The following CERK variants were observed in gnomAD, a reference collection of about 807,000 sequenced individuals.
CERK encodes ceramide kinase.
A neutral mutation model predicts 63.4 loss-of-function variants in CERK; 39 were observed. The observed-to-expected ratio is 0.61, with a 90% CI of 0.48 to 0.80. The LOEUF is 0.80. Among genes scored for constraint, CERK ranks in the 30% least tolerant of loss-of-function variants. The pLI, the probability that CERK is intolerant of heterozygous loss-of-function variation, is 0.00. For synonymous variants in CERK, 302 were observed against 280.0 expected (o/e 1.08, Z -0.78); for missense variants, 670 against 714.1 (o/e 0.94, Z 0.70).
intron 5 of CERK, 147 bp downstream of exon 5, chr22:46,710,939 T>C: frequency 1.6e-6 from 1 of 638,894 alleles, no homozygotes; most frequent in Non-Finnish European, 2.8e-6. Flanking sequence ...CTTTCTTGCC[T>C]TCCTGTAAGA....
chr22:46,705,487 C>T (rs948060097), intron 6 of CERK, among the ~76,000 whole-genome samples: 3 of 152,028 alleles, frequency 2.0e-5, no homozygotes, highest in Admixed American at 6.6e-5. Flanking sequence ...CCCTGGCCAA[C>T]GTAGCAAAAC....
chr22:46,708,010 T>C, intron 5 of CERK, 22 bp from the exon 6 acceptor site: 1 of 1,584,422 alleles, frequency 6.3e-7, no homozygotes, highest in African/African-American at 1.3e-5. Context: ...ACACAGCCGG[T>C]CAGGGCTCCT....
rs135676 is a variant in CERK, at chr22:46,695,424, C to G, written c.944-109G>C. ...TCGCTGAGCGCGCATCTGCCTAAACCGTCTGCAGGAGGGAGAGGCCGGGCC... is the reference window on the plus strand; with the variant it reads ...TCGCTGAGCGCGCATCTGCCTAAACGGTCTGCAGGAGGGAGAGGCCGGGCC... On this transcript the variant is annotated intron_variant, in intron 8 of 12. Coordinates refer to ENST00000216264, the MANE Select transcript of CERK (RefSeq NM_022766.6). 12 of 747,956 alleles carry G rather than the reference C, an allele frequency of 1.6e-5. No individual in the cohort carries two copies. The East Asian group carries it at 3.0e-4, about 19-fold the overall frequency. 46.3% of individuals were successfully genotyped at this position (747,956 alleles called of 1,614,324 possible).
At chr22:46,695,410 G>T in intron 8 of CERK, 95 bp from the exon 9 acceptor site, 2 of 807,062 alleles carry the variant, frequency 2.5e-6, no homozygotes, top group Non-Finnish European at 4.3e-6. Flanking sequence ...CGCTGAGCGC[G>T]CATCTGCCTA....
At chr22:46,695,853 C>T (rs1181843908) in intron 8 of CERK, among the ~76,000 whole-genome samples, 1 of 152,242 alleles carries the variant, frequency 6.6e-6, no homozygotes, top group Non-Finnish European at 1.5e-5. Flanking sequence ...GGGCTGCCAG[C>T]AGCCTGGCAC....
chr22:46,701,438 C>G (rs1462067489), intron 7 of CERK, among the ~76,000 whole-genome samples, 198 bp downstream of exon 7: 2 of 152,288 alleles, frequency 1.3e-5, no homozygotes, highest in African/African-American at 4.8e-5. Context: ...CCCCAGGAAG[C>G]CCGTCCTGAC....
At chr22:46,719,397 C>T (rs774729690) in intron 3 of CERK, among the ~76,000 whole-genome samples, 12 of 152,118 alleles carry the variant, frequency 7.9e-5, no homozygotes, top group Non-Finnish European at 1.3e-4. Flanking sequence ...CCTGGCTGGG[C>T]GTGGTGGCTC....
At chr22:46,722,774 C>T (rs901913386) in intron 1 of CERK, among the ~76,000 whole-genome samples, 2 of 152,194 alleles carry the variant, frequency 1.3e-5, no homozygotes, top group African/African-American at 4.8e-5. Context: ...AGCCAGGCTG[C>T]AGGCCGTGCC....
chr22:46,696,773 C>T (rs746339351), intron 8 of CERK, among the ~76,000 whole-genome samples: 6 of 152,160 alleles, frequency 3.9e-5, no homozygotes, highest in Non-Finnish European at 7.4e-5. Flanking sequence ...TCTCCTGCCT[C>T]GGGGCTCTCA....
At chr22:46,699,167 G>T in intron 8 of CERK, 146 bp downstream of exon 8, 1 of 828,094 alleles carries the variant, frequency 1.2e-6, no homozygotes, top group Non-Finnish European at 2.0e-6. Flanking sequence ...TCTGGCCCCG[G>T]CACATTTCAT....
intron 12 of CERK, among the ~76,000 whole-genome samples, chr22:46,687,422 G>A (rs573720879): frequency 2.6e-5 from 4 of 152,288 alleles, no homozygotes; most frequent in East Asian, 3.9e-4. Context: ...CCACAATGAC[G>A]GGCCCTGGGC....
At chr22:46,721,064 C>G in intron 1 of CERK, 49 bp from the exon 2 acceptor site, 2 of 1,142,880 alleles carry the variant, frequency 1.7e-6, no homozygotes, top group Non-Finnish European at 2.7e-6. Context: ...AGAATCCACA[C>G]AGGTAAAATC....
chr22:46,732,585 CTTTT>C (rs60804134), intron 1 of CERK, among the ~76,000 whole-genome samples: 2 of 141,652 alleles, frequency 1.4e-5, no homozygotes, highest in South Asian at 2.3e-4. Flanking sequence ...AAGGATATCA[CTTTT>C]TTTTTTTTTT....
intron 6 of CERK, among the ~76,000 whole-genome samples, chr22:46,702,076 G>A (rs2082787683): frequency 6.6e-6 from 1 of 150,486 alleles, no homozygotes; most frequent in African/African-American, 2.4e-5. Flanking sequence ...AGCTCCTCAG[G>A]AGGCTAAAGC....
At chr22:46,695,346 T>A (rs1316241553) in intron 8 of CERK, 31 bp from the exon 9 acceptor site, 1 of 1,233,738 alleles carries the variant, frequency 8.1e-7, no homozygotes, top group South Asian at 1.2e-5. Flanking sequence ...AGAAAAAACA[T>A]CCACAAGGGT....
intron 7 of CERK, 112 bp from the exon 8 acceptor site, chr22:46,699,577 GAAAC>G (rs1466322613): frequency 2.4e-5 from 23 of 944,768 alleles, no homozygotes; most frequent in Middle Eastern, 2.8e-4. Context: ...TAAAAAGTGT[GAAAC>G]AAACAGAACG....
chr22:46,728,361 C>A (rs917214210), intron 1 of CERK, among the ~76,000 whole-genome samples: 1 of 152,142 alleles, frequency 6.6e-6, no homozygotes, highest in Admixed American at 6.5e-5. Context: ...GCCACGGGGG[C>A]TACTTAAACA....
chr22:46,695,764 A>T (rs2082753042), intron 8 of CERK, among the ~76,000 whole-genome samples: 1 of 152,214 alleles, frequency 6.6e-6, no homozygotes, highest in African/African-American at 2.4e-5. Flanking sequence ...GACGTCCTGA[A>T]CAGCTCAGGA....
intron 9 of CERK, among the ~76,000 whole-genome samples, chr22:46,694,899 G>T (rs921284336): frequency 1.3e-5 from 2 of 152,172 alleles, no homozygotes; most frequent in Non-Finnish European, 2.9e-5. Context: ...CCCTGCAGGG[G>T]GTAAAGGGAA....
Sources: allele counts gnomAD v4.1 joint callset (sites outside exome capture counted in the v4.1 genomes callset), GRCh38; gene constraint gnomAD v4.1.1; transcripts MANE v1.5; gene names NCBI Gene and HGNC (gene_info 2026-07-23, HGNC 2026-07-21).